CDC42SE2: variants seen among roughly 807,000 people sequenced by gnomAD.
CDC42SE2 encodes the protein CDC42 small effector 2.
In CDC42SE2, 3 loss-of-function variants were observed where a neutral mutation model predicts 11.5. The ratio of observed to expected loss-of-function variants is 0.26; its 90% CI spans 0.12 to 0.67. The LOEUF (loss-of-function observed/expected upper bound fraction) is 0.67. Among genes scored for constraint, CDC42SE2 ranks in the 30% least tolerant of loss-of-function variants. The pLI is 0.80. For missense variants in CDC42SE2, 82 were observed against 106.8 expected, an observed-to-expected ratio of 0.77 and a Z score of 1.02; for synonymous variants, 33 against 34.8, an observed-to-expected ratio of 0.95 and a Z score of 0.18.
chr5:131,239,030 C>T, the CDC42SE2 span, among the ~76,000 whole-genome samples: 1 of 151,900 alleles, frequency 6.6e-6, no homozygotes, highest in East Asian at 1.9e-4. Flanking sequence ...GTGGCGCTCG[C>T]CTGTAATCCC....
chr5:131,307,626 C>G (rs1757807438), intron 1 of CDC42SE2, among the ~76,000 whole-genome samples: 1 of 152,064 alleles, frequency 6.6e-6, no homozygotes. Flanking sequence ...GTTCTAGATC[C>G]CTGAGGAATT....
At chr5:131,313,077 G>T (rs1317899630) in intron 1 of CDC42SE2, among the ~76,000 whole-genome samples, 2 of 151,784 alleles carry the variant, frequency 1.3e-5, no homozygotes, top group Non-Finnish European at 2.9e-5. Flanking sequence ...CTGCCTCCCG[G>T]GTTCACACCA....
At chr5:131,368,582 A>G (rs181988933) in intron 3 of CDC42SE2, among the ~76,000 whole-genome samples, 54 of 152,254 alleles carry the variant, frequency 3.5e-4, no homozygotes, top group African/African-American at 1.3e-3. Context: ...TATTGAATAT[A>G]ATTCCCATTT....
the CDC42SE2 span, among the ~76,000 whole-genome samples, chr5:131,227,030 C>T: frequency 6.6e-6 from 1 of 152,120 alleles, no homozygotes; most frequent in Admixed American, 6.5e-5. Context: ...ATAAAGAAGA[C>T]CAATGACCTG....
chr5:131,329,281 G>A (rs1437034519), intron 2 of CDC42SE2, among the ~76,000 whole-genome samples: 1 of 152,106 alleles, frequency 6.6e-6, no homozygotes, highest in African/African-American at 2.4e-5. Flanking sequence ...CAGGTTACCA[G>A]TTTCCTTTCA....
chr5:131,265,711 C>T lies in CDC42SE2; in HGVS notation c.-455+1545C>T, dbSNP rs916888761. On this transcript the variant is annotated intron_variant, in intron 1 of 4. Transcript: ENST00000505065. ...ACAGCCTTTAAAGGTTAATAAGTAA[C>T]TTTGTACAGCTAAAATTATTGGGTT... 2.0e-5 allele frequency among the ~76,000 whole-genome samples: 3 copies of T among 152,136 alleles called. No individual in the cohort carries two copies. In the East Asian group the frequency reaches 5.8e-4, roughly 29 times the overall value.
At chr5:131,322,166 A>G (rs190097550) in intron 2 of CDC42SE2, among the ~76,000 whole-genome samples, 3 of 152,210 alleles carry the variant, frequency 2.0e-5, no homozygotes, top group Admixed American at 2.0e-4. Context: ...AATTTTTTTT[A>G]TAGTAGTGGT....
intron 1 of CDC42SE2, among the ~76,000 whole-genome samples, chr5:131,312,560 G>T (rs557498359): frequency 4.7e-4 from 72 of 152,270 alleles, no homozygotes; most frequent in African/African-American, 1.7e-3. Flanking sequence ...CTTGCAGTTT[G>T]ATCTCAGTCT....
intron 2 of CDC42SE2, among the ~76,000 whole-genome samples, chr5:131,328,165 C>CA (rs1758337490): frequency 6.6e-6 from 1 of 152,102 alleles, no homozygotes; most frequent in Non-Finnish European, 1.5e-5. Context: ...GGGATACATT[C>CA]AAACCATAGC....
At chr5:131,244,756 G>T (rs1452264193), upstream of CDC42SE2, among the ~76,000 whole-genome samples, 1 of 152,120 alleles carries the variant, frequency 6.6e-6, no homozygotes, top group East Asian at 1.9e-4. Flanking sequence ...TCCAAGACCT[G>T]TTGGGTTAGG....
intron 2 of CDC42SE2, among the ~76,000 whole-genome samples, chr5:131,342,278 C>T (rs1223875080): frequency 8.1e-6 from 1 of 122,896 alleles, no homozygotes; most frequent in South Asian, 2.7e-4. Flanking sequence ...GACTCCTTCT[C>T]AAAAAAAAAA....
At chr5:131,269,720 C>T (rs982869906) in intron 1 of CDC42SE2, among the ~76,000 whole-genome samples, 2 of 151,374 alleles carry the variant, frequency 1.3e-5, no homozygotes, top group East Asian at 1.9e-4. Flanking sequence ...GCCGAGATTG[C>T]GCCACTGCAC....
At chr5:131,316,495 T>A (rs554089108) in intron 2 of CDC42SE2, among the ~76,000 whole-genome samples, 1 of 152,348 alleles carries the variant, frequency 6.6e-6, no homozygotes, top group Admixed American at 6.5e-5. Flanking sequence ...TTGTGGTAGG[T>A]CTCATTCTCT....
chr5:131,270,443 T>G (rs1756970230), intron 1 of CDC42SE2, among the ~76,000 whole-genome samples: 1 of 152,242 alleles, frequency 6.6e-6, no homozygotes, highest in Non-Finnish European at 1.5e-5. Context: ...TTAATAAAAC[T>G]TTCACTTTTT....
intron 2 of CDC42SE2, among the ~76,000 whole-genome samples, chr5:131,358,192 T>C (rs1749607953): frequency 6.6e-6 from 1 of 152,252 alleles, no homozygotes; most frequent in Admixed American, 6.5e-5. Context: ...TTCAGATTTA[T>C]ATATCAAACT....
At chr5:131,307,925 G>T (rs895276857) in intron 1 of CDC42SE2, among the ~76,000 whole-genome samples, 18 of 152,036 alleles carry the variant, frequency 1.2e-4, no homozygotes, top group East Asian at 7.7e-4. Context: ...TTTGTTTTTT[G>T]CTTGTAAATT....
the CDC42SE2 span, among the ~76,000 whole-genome samples, chr5:131,210,208 G>A: frequency 1.3e-5 from 2 of 152,164 alleles, no homozygotes; most frequent in African/African-American, 2.4e-5. Flanking sequence ...CCCAGCCTCA[G>A]GTATTCCCTT....
chr5:131,385,477 A>G (rs1750453892), intron 3 of CDC42SE2, 66 bp from the exon 4 acceptor site: 4 of 1,152,754 alleles, frequency 3.5e-6, no homozygotes, highest in Non-Finnish European at 5.1e-6. Context: ...GTCATAGTAT[A>G]AAAATCCATC....
At chr5:131,309,036 G>A (rs1012404722) in intron 1 of CDC42SE2, among the ~76,000 whole-genome samples, 1 of 151,140 alleles carries the variant, frequency 6.6e-6, no homozygotes, top group African/African-American at 2.4e-5. Context: ...TTTTCAAAGG[G>A]AATGCTTCCA....
Sources: gnomAD v4.1 joint callset for allele counts (sites outside exome capture counted in the v4.1 genomes callset) on GRCh38, gnomAD v4.1.1 for gene constraint, MANE v1.5 for transcripts, NCBI Gene and HGNC (gene_info 2026-07-23, HGNC 2026-07-21) for gene names.